Variants in CSMD1 observed in about 807,000 individuals in gnomAD.
The protein encoded by CSMD1 is CUB and sushi domain-containing protein 1.
In CSMD1, 213 loss-of-function variants were observed where a neutral mutation model predicts 417.5. The ratio of observed to expected loss-of-function variants is 0.51; its 90% CI spans 0.46 to 0.57. CSMD1 has a LOEUF of 0.57. CSMD1 is among the 20% of genes least tolerant of loss of function. The probability of loss-of-function intolerance (pLI) is 0.00; values close to 1 mark genes in which losing one functional copy is unlikely to be tolerated. For synonymous variants in CSMD1, 2,862 were observed against 1,736.8 expected (o/e 1.65, Z -16.11); for missense variants, 6,923 against 4,529.7 (o/e 1.53, Z -15.17).
intron 17 of CSMD1, among the ~76,000 whole-genome samples, chr8:3,393,549 C>T (rs940102720): frequency 6.6e-6 from 1 of 152,064 alleles, no homozygotes; most frequent in Non-Finnish European, 1.5e-5. Context: ...TGTTCATATC[C>T]TTCACCCACT....
chr8:4,330,313 G>C (rs777919845), intron 3 of CSMD1, among the ~76,000 whole-genome samples: 1 of 151,390 alleles, frequency 6.6e-6, no homozygotes, highest in Non-Finnish European at 1.5e-5. Context: ...TAATATTTTG[G>C]GCTGGGCGTG....
intron 3 of CSMD1, among the ~76,000 whole-genome samples, chr8:4,209,902 G>A (rs183637457): frequency 1.2e-4 from 18 of 152,248 alleles, no homozygotes; most frequent in African/African-American, 4.1e-4. Context: ...TTGACAGGTG[G>A]TCTCCATGGA....
chr8:3,271,499 T>C (rs78047670), intron 26 of CSMD1, among the ~76,000 whole-genome samples: 1 of 138,116 alleles, frequency 7.2e-6, no homozygotes, highest in Non-Finnish European at 1.6e-5. Flanking sequence ...CTGACGAATG[T>C]CCACACTGAC....
intron 1 of CSMD1, among the ~76,000 whole-genome samples, chr8:4,654,381 C>G (rs1804095497): frequency 1.3e-5 from 2 of 152,098 alleles, no homozygotes; most frequent in Non-Finnish European, 2.9e-5. Context: ...GGTCTCCACC[C>G]CTCTGATGCT....
intron 2 of CSMD1, among the ~76,000 whole-genome samples, chr8:4,461,490 A>C (rs1270976570): frequency 6.7e-6 from 1 of 149,190 alleles, no homozygotes; most frequent in African/African-American, 2.5e-5. Flanking sequence ...GAATTTAAGA[A>C]CATCTCCAGC....
At chr8:3,593,413 T>A (rs1054883470) in intron 8 of CSMD1, among the ~76,000 whole-genome samples, 3 of 152,192 alleles carry the variant, frequency 2.0e-5, no homozygotes, top group African/African-American at 7.2e-5. Context: ...CAGGTCCACC[T>A]GCCTCCAGGG....
chr8:3,959,721 T>TTTTGAAACTGCAG (rs1411076203), intron 5 of CSMD1, among the ~76,000 whole-genome samples: 1 of 152,200 alleles, frequency 6.6e-6, no homozygotes, highest in Non-Finnish European at 1.5e-5. Context: ...ACACAGAATG[T>TTTTGAAACTGCAG]TTTGAAACTG....
chr8:4,623,729 A>AC (rs1801918555), intron 2 of CSMD1, among the ~76,000 whole-genome samples: 1 of 152,036 alleles, frequency 6.6e-6, no homozygotes, highest in African/African-American at 2.4e-5. Flanking sequence ...AGGCATATAC[A>AC]GATGTGTGTG....
chr8:3,647,535 T>C (rs538948024), intron 7 of CSMD1, among the ~76,000 whole-genome samples: 8 of 152,004 alleles, frequency 5.3e-5, no homozygotes, highest in South Asian at 2.1e-4. Flanking sequence ...AAGAGAAATA[T>C]AGTATAGAGA....
At chr8:3,976,041 T>C (rs1337761001) in intron 5 of CSMD1, among the ~76,000 whole-genome samples, 1 of 152,150 alleles carries the variant, frequency 6.6e-6, no homozygotes, top group Non-Finnish European at 1.5e-5. Context: ...CAATATATAC[T>C]GATTGAAATC....
chr8:2,977,569 C>T (rs547413743), intron 55 of CSMD1, among the ~76,000 whole-genome samples: 90 of 152,192 alleles, frequency 5.9e-4, no homozygotes, highest in African/African-American at 2.1e-3. Flanking sequence ...CATACACATG[C>T]ATGTATCATG....
chr8:3,252,715 TATTA>T (rs1485598538), intron 26 of CSMD1, among the ~76,000 whole-genome samples: 2 of 152,218 alleles, frequency 1.3e-5, no homozygotes, highest in Admixed American at 6.5e-5. Context: ...GTTGGTAAGC[TATTA>T]ATTATTGCCT....
At chr8:4,770,539 G>A (rs550465547) in intron 1 of CSMD1, among the ~76,000 whole-genome samples, 27 of 151,612 alleles carry the variant, frequency 1.8e-4, no homozygotes, top group African/African-American at 4.8e-4. Context: ...AAAGTTGAAG[G>A]CATTACACTT....
chr8:4,055,833 T>A (rs1009444803), intron 3 of CSMD1, among the ~76,000 whole-genome samples: 1 of 152,136 alleles, frequency 6.6e-6, no homozygotes, highest in East Asian at 1.9e-4. Context: ...GATTTTACAG[T>A]TGATTTTCTT....
intron 3 of CSMD1, among the ~76,000 whole-genome samples, chr8:4,390,859 G>C (rs1585001994): frequency 6.6e-6 from 1 of 152,038 alleles, no homozygotes; most frequent in East Asian, 1.9e-4. Context: ...CCAATTTTAA[G>C]GTGTACCTCA....
At chr8:3,174,668 A>G (rs1820795146) in intron 37 of CSMD1, among the ~76,000 whole-genome samples, 1 of 152,162 alleles carries the variant, frequency 6.6e-6, no homozygotes, top group African/African-American at 2.4e-5. Context: ...AGTAAATACC[A>G]TTTCCTTTTA....
intron 2 of CSMD1, among the ~76,000 whole-genome samples, chr8:4,545,503 G>C (rs1376872790): frequency 6.8e-6 from 1 of 147,860 alleles, no homozygotes; most frequent in African/African-American, 2.5e-5. Context: ...TAAACTAGTG[G>C]GTAGATCTCA....
At chr8:3,698,789 T>A (rs1458565779) in intron 7 of CSMD1, among the ~76,000 whole-genome samples, 1 of 152,240 alleles carries the variant, frequency 6.6e-6, no homozygotes, top group Admixed American at 6.5e-5. Flanking sequence ...AGTGAAAATG[T>A]ATCTGGTTAT....
At chr8:4,932,634 C>T (rs905511037) in intron 1 of CSMD1, among the ~76,000 whole-genome samples, 1 of 152,180 alleles carries the variant, frequency 6.6e-6, no homozygotes, top group African/African-American at 2.4e-5. Flanking sequence ...TGACGTGTTT[C>T]TATGCACTTT....
Sources: allele counts gnomAD v4.1 joint callset (sites outside exome capture counted in the v4.1 genomes callset), GRCh38; gene constraint gnomAD v4.1.1; transcripts MANE v1.5; gene names NCBI Gene and HGNC (gene_info 2026-07-23, HGNC 2026-07-21).